Variants in CACNA1I observed in about 807,000 individuals in gnomAD.
CACNA1I encodes voltage-dependent T-type calcium channel subunit alpha-1I.
In CACNA1I, 74 loss-of-function variants were observed where a neutral mutation model predicts 201.6. The observed-to-expected ratio is 0.37, with a 90% CI of 0.30 to 0.45. CACNA1I has a LOEUF of 0.45. Ranked by LOEUF, CACNA1I falls within the 20% of genes least tolerant of loss-of-function variation. CACNA1I has a pLI of 1.00. For synonymous variants in CACNA1I, 1,431 were observed against 1,345.2 expected (o/e 1.06, Z -1.40); for missense variants, 2,346 against 3,138.1 (o/e 0.75, Z 6.03).
chr22:39,675,152 G>T lies in CACNA1I; in HGVS notation c.4854+1119G>T, dbSNP rs73426128. Among the ~76,000 whole-genome samples, 1,268 of 152,368 alleles carry T rather than the reference G, an allele frequency of 8.3e-3. 20 individuals are homozygous for T. The highest frequency in any genetic ancestry group is 0.029 in the African/African-American group (1,207 of 41,584). Reference sequence around the variant, plus strand: ...AGAGCAAAGCCTGGGCCCTGGGCATGCGACTTAGCTTTTCGTGCCTCAGTT... The same window carrying T: ...AGAGCAAAGCCTGGGCCCTGGGCATTCGACTTAGCTTTTCGTGCCTCAGTT... On this transcript the variant is annotated intron_variant, in intron 29 of 36. Transcript: ENST00000402142.
intron 1 of CACNA1I, among the ~76,000 whole-genome samples, chr22:39,576,654 G>T (rs1167604156): frequency 6.6e-6 from 1 of 152,234 alleles, no homozygotes; most frequent in Non-Finnish European, 1.5e-5. Flanking sequence ...CTCGGGAAAG[G>T]GGAGGGCGCC....
intron 1 of CACNA1I, among the ~76,000 whole-genome samples, chr22:39,597,100 AAGTCCATTTCATCCTGGAC>A (rs1932909737): frequency 6.6e-6 from 1 of 152,184 alleles, no homozygotes; most frequent in African/African-American, 2.4e-5. Flanking sequence ...TGTGTGGCTC[AAGTCCATTTCATCCTGGAC>A]TGCCTCTTTT....
rs112561714 is a variant in CACNA1I at position 39,680,163 on chromosome 22, G to A, written c.5541+295G>A. ...CAGGTGCCAGGCAGGGAGCCTGTGT[G>A]TCACTTGCAGGACAGCTTGCCCTTT... On this transcript the variant is annotated intron_variant, in intron 33 of 36. Coordinates refer to ENST00000402142, the MANE Select transcript of CACNA1I (RefSeq NM_021096.4). Among the ~76,000 whole-genome samples, 471 of 152,282 alleles carry A rather than the reference G, an allele frequency of 3.1e-3. 4 individuals are homozygous for A. The highest frequency in any genetic ancestry group is 0.011 in the African/African-American group (447 of 41,544).
Position 39,685,864 on chromosome 22 carries a change from G to C in CACNA1I, c.6131G>C (p.Arg2044Pro). 1 of 1,472,444 alleles carries C rather than the reference G, an allele frequency of 6.8e-7. No homozygotes were observed. The highest frequency in any genetic ancestry group is 8.9e-7 in the Non-Finnish European group (1 of 1,120,618). 91.2% of individuals were successfully genotyped at this position (1,472,444 alleles called of 1,614,324 possible). ...CTGACCCTGAGCGACAGCCCCCGGC[G>C]TGCCCTGGGGCCGCCCGCGCCTGCT... Reference protein sequence around the residue: ...DSLTLSDSPRRALGPPAPAPG... With the variant: ...DSLTLSDSPRPALGPPAPAPG... The change falls in exon 37 of 37, where the codon CGT becomes CCT. Residue 2044 changes from arginine (R) to proline (P), a missense_variant. Coordinates refer to ENST00000402142, the MANE Select transcript of CACNA1I (RefSeq NM_021096.4). The surrounding 1 kb of genome is among the most constrained non-coding windows in gnomAD (Gnocchi z 5.0).
At chr22:39,599,034 C>CA (rs1412129039) in intron 2 of CACNA1I, among the ~76,000 whole-genome samples, 3 of 144,976 alleles carry the variant, frequency 2.1e-5, no homozygotes, top group African/African-American at 7.7e-5. Context: ...CTGCAAGCTC[C>CA]ACCTCCCGGG....
intron 24 of CACNA1I, 61 bp downstream of exon 24, chr22:39,668,442 C>A: frequency 8.8e-7 from 1 of 1,134,450 alleles, no homozygotes; most frequent in Non-Finnish European, 1.3e-6. Flanking sequence ...GTCCTTGGGG[C>A]CCAGTGGTTT....
At chr22:39,626,291 T>G (rs1276465788) in intron 4 of CACNA1I, among the ~76,000 whole-genome samples, 1 of 152,228 alleles carries the variant, frequency 6.6e-6, no homozygotes, top group Admixed American at 6.5e-5. Context: ...ACCGTGGGTG[T>G]AGAGAGCTGC....
intron 11 of CACNA1I, 116 bp downstream of exon 11, chr22:39,658,419 C>T (rs1324422525): frequency 4.2e-6 from 4 of 950,672 alleles, no homozygotes; most frequent in Non-Finnish European, 6.4e-6. Context: ...TGCACTGAAA[C>T]AATTATCGAA....
In CACNA1I at chr22:39,688,847, G is replaced by A. The variant is rs1288617424; in HGVS notation, c.*2442G>A. ...ACAGAGCAGGGAGTGTGGAGAAGGT[G>A]GAAGAGCTGAGCTCAGAGGCAGAGA... On this transcript the variant is annotated 3_prime_UTR_variant, in exon 37 of 37. Coordinates refer to ENST00000402142, the MANE Select transcript of CACNA1I (RefSeq NM_021096.4). This position sits in a 1 kb window ranked among gnomAD's most constrained non-coding sequence, Gnocchi z 4.8. The A allele has an allele frequency of 2.0e-5, 3 of 152,382 alleles. No individual in the cohort carries two copies. Among genetic ancestry groups the A allele is most frequent in the Non-Finnish European group, 4.4e-5 (3 of 68,150 alleles). 9.4% of individuals were successfully genotyped at this position (152,382 alleles called of 1,614,324 possible). A position where few individuals can be genotyped will look rare whatever the true frequency, so the allele number is the denominator to read the frequency against.
At chr22:39,668,246 C>T (rs1021155196) in intron 23 of CACNA1I, 46 bp from the exon 24 acceptor site, 1 of 1,181,600 alleles carries the variant, frequency 8.5e-7, no homozygotes, top group Non-Finnish European at 1.3e-6. Context: ...CAGCTGGAGT[C>T]ACTCACAGTC....
In CACNA1I at chr22:39,629,530, G is replaced by A. The variant is rs1309283662; in HGVS notation, c.581-5035G>A. Among the ~76,000 whole-genome samples, 1 of 102,614 alleles carries A rather than the reference G, an allele frequency of 9.7e-6. No individual in the cohort carries two copies. The highest frequency in any genetic ancestry group is 2.0e-5 in the Non-Finnish European group (1 of 50,368). The allele number at this position is 102,614 out of a possible 152,430, so 67.3% of individuals were successfully genotyped here. A position where few individuals can be genotyped will look rare whatever the true frequency, so the allele number is the denominator to read the frequency against. On this transcript the variant is annotated intron_variant, in intron 4 of 36. Transcript: ENST00000402142. The surrounding 1 kb of genome is among the most constrained non-coding windows in gnomAD (Gnocchi z 4.8). Reference sequence around the variant, plus strand: ...CGGTTTATCACAATGATGAATGTATGACGGCCAGGCAGGGCCAGGCAGGAC... The same window carrying A: ...CGGTTTATCACAATGATGAATGTATAACGGCCAGGCAGGGCCAGGCAGGAC...
At chr22:39,593,334 A>C (rs2145819408) in intron 1 of CACNA1I, among the ~76,000 whole-genome samples, 1 of 152,286 alleles carries the variant, frequency 6.6e-6, no homozygotes, top group South Asian at 2.1e-4. Flanking sequence ...GGTGTCTGGT[A>C]CACAGTCGTC....
chr22:39,616,192 G>A (rs1428074904), intron 3 of CACNA1I, among the ~76,000 whole-genome samples: 1 of 152,198 alleles, frequency 6.6e-6, no homozygotes. Context: ...GTGTTTGGGA[G>A]CTTCAAATGC....
At chr22:39,663,874 G>A (rs765458889) in intron 19 of CACNA1I, 33 bp downstream of exon 19, 5 of 1,611,400 alleles carry the variant, frequency 3.1e-6, no homozygotes, top group South Asian at 2.2e-5. Context: ...CAGGGCAGGC[G>A]CCAGGCCAAG....
chr22:39,578,838 T>G (rs1312663680), intron 1 of CACNA1I, among the ~76,000 whole-genome samples: 2 of 152,202 alleles, frequency 1.3e-5, no homozygotes, highest in Non-Finnish European at 2.9e-5. Context: ...CAGTGCTCTG[T>G]TTTGAAGCCC....
intron 3 of CACNA1I, among the ~76,000 whole-genome samples, chr22:39,609,747 G>C (rs1043846022): frequency 6.6e-6 from 1 of 152,234 alleles, no homozygotes; most frequent in Non-Finnish European, 1.5e-5. Context: ...CTTGGGTTCA[G>C]GCAAGATCAC....
chr22:39,607,902 G>GGT (rs1028940186), intron 3 of CACNA1I, among the ~76,000 whole-genome samples: 9 of 150,588 alleles, frequency 6.0e-5, no homozygotes, highest in African/African-American at 2.0e-4. Context: ...AGGCGGGGGG[G>GGT]GGTCACCTGA....
Position 39,686,245 on chromosome 22 carries a change from C to T in CACNA1I, c.6512C>T (p.Ala2171Val). Residue 2171 changes from alanine to valine, a missense_variant, in exon 37 of 37, where the codon GCC becomes GTC. Coordinates refer to ENST00000402142, the MANE Select transcript of CACNA1I (RefSeq NM_021096.4). ...GGCCGCCCCCACGCCGCCGCCCTGG[C>T]CCACGGCCTGGCCCGGAGCCCCTCG... The part of the protein sequence containing the change: ...APGRPHAAAL[A>V]HGLARSPSWA... The T allele has an allele frequency of 1.6e-6, 2 of 1,255,978 alleles. No homozygotes were observed. The highest frequency in any genetic ancestry group is 4.1e-5 in the Admixed American group (1 of 24,174). The allele number at this position is 1,255,978 out of a possible 1,614,324, so 77.8% of individuals were successfully genotyped here. A position where few individuals can be genotyped will look rare whatever the true frequency, so the allele number is the denominator to read the frequency against.
chr22:39,611,772 G>A (rs573610098), intron 3 of CACNA1I, among the ~76,000 whole-genome samples: 1 of 152,290 alleles, frequency 6.6e-6, no homozygotes, highest in East Asian at 1.9e-4. Context: ...AGAAGGTCCA[G>A]GTCTTCTGCC....
Sources: allele counts gnomAD v4.1 joint callset (sites outside exome capture counted in the v4.1 genomes callset), GRCh38; gene constraint gnomAD v4.1.1; non-coding constraint Gnocchi (gnomAD v3.1); transcripts MANE v1.5; gene names NCBI Gene and HGNC (gene_info 2026-07-23, HGNC 2026-07-21).